The following OTOF variants were observed in gnomAD, a reference collection of about 807,000 sequenced individuals.
OTOF encodes fer-1-like family member 2.
A neutral mutation model predicts 236.8 loss-of-function variants in OTOF; 218 were observed. The observed-to-expected ratio is 0.92, with a 90% CI of 0.82 to 1.03. The LOEUF (loss-of-function observed/expected upper bound fraction) is 1.03, where lower values mean the gene tolerates loss of function less well. Ranked by LOEUF, OTOF falls within the 50% of genes least tolerant of loss-of-function variation. OTOF has a pLI of 0.00. For synonymous variants in OTOF, 1,041 were observed against 1,072.5 expected, an observed-to-expected ratio of 0.97 and a Z score of 0.57; for missense variants, 2,590 against 2,694.4, an observed-to-expected ratio of 0.96 and a Z score of 0.86.
rs183225781 is a variant in OTOF at position 26,494,141 on chromosome 2, T to C, written c.897+801A>G. ...GGTGGGCAGCCTGGCCCCTGCTCTA[T>C]CAGCAACACTCTCTGAGATTGTGGG... On this transcript the variant is annotated intron_variant, in intron 9 of 46. Coordinates refer to ENST00000272371, the MANE Select transcript of OTOF (RefSeq NM_194248.3). Among the ~76,000 whole-genome samples the C allele has an allele frequency of 2.1e-3, 323 of 152,336 alleles. 3 individuals are homozygous for C. Among genetic ancestry groups the C allele is most frequent in the Admixed American group, 0.019 (284 of 15,306 alleles).
At chr2:26,518,924 A>G in intron 4 of OTOF, 86 bp downstream of exon 4, 1 of 954,962 alleles carries the variant, frequency 1.0e-6, no homozygotes, top group Non-Finnish European at 1.7e-6. Context: ...GGCATTCCCC[A>G]GACCACCCCA....
At chr2:26,528,617 G>A (rs544479070) in intron 2 of OTOF, among the ~76,000 whole-genome samples, 4 of 152,172 alleles carry the variant, frequency 2.6e-5, no homozygotes, top group Admixed American at 6.5e-5. Context: ...GATTTTTCCT[G>A]GTGCCCTAGA....
chr2:26,463,840 GC>G, intron 40 of OTOF, 123 bp downstream of exon 40: 2 of 1,337,440 alleles, frequency 1.5e-6, no homozygotes, highest in Non-Finnish European at 2.1e-6. Context: ...GTGGGAAGGT[GC>G]CTGCCAGGCT....
At chr2:26,526,945 C>G (rs1196322438) in intron 3 of OTOF, among the ~76,000 whole-genome samples, 1 of 152,224 alleles carries the variant, frequency 6.6e-6, no homozygotes, top group African/African-American at 2.4e-5. Flanking sequence ...CCCGCCTTAT[C>G]TGCCCAAGGA....
chr2:26,531,121 A>G (rs1429933157), intron 2 of OTOF, among the ~76,000 whole-genome samples: 1 of 152,172 alleles, frequency 6.6e-6, no homozygotes, highest in Admixed American at 6.5e-5. Context: ...TGCTGTGCCC[A>G]GACAGCATTT....
intron 1 of OTOF, among the ~76,000 whole-genome samples, chr2:26,557,596 C>A (rs1667624723): frequency 6.6e-6 from 1 of 152,156 alleles, no homozygotes; most frequent in Non-Finnish European, 1.5e-5. Flanking sequence ...TCCAGAGTTT[C>A]AGCTCCTCTC....
chr2:26,530,752 T>C (rs1666925288), intron 2 of OTOF, among the ~76,000 whole-genome samples: 1 of 152,172 alleles, frequency 6.6e-6, no homozygotes, highest in South Asian at 2.1e-4. Flanking sequence ...TCTCCCTCTG[T>C]CTTTCTCAGG....
chr2:26,472,729 G>A, intron 29 of OTOF, 80 bp from the exon 30 acceptor site: 1 of 1,452,164 alleles, frequency 6.9e-7, no homozygotes, highest in African/African-American at 1.4e-5. Context: ...GGAAGGTGCG[G>A]AGAACTAAAG....
intron 6 of OTOF, 24 bp downstream of exon 6, chr2:26,503,748 G>GGGCTCACGC: frequency 1.9e-6 from 3 of 1,604,946 alleles, no homozygotes; most frequent in Non-Finnish European, 2.6e-6. Context: ...CGGGGCTGCG[G>GGGCTCACGC]GGCTCACGCG....
intron 1 of OTOF, among the ~76,000 whole-genome samples, chr2:26,544,738 G>A (rs1286622314): frequency 6.6e-6 from 1 of 152,066 alleles, no homozygotes; most frequent in African/African-American, 2.4e-5. Context: ...GGTACCCTTA[G>A]CTTTATAAGA....
chr2:26,475,207 C>A, intron 25 of OTOF, 152 bp downstream of exon 25: 1 of 838,432 alleles, frequency 1.2e-6, no homozygotes, highest in Non-Finnish European at 2.0e-6. Context: ...TAGATGTCAG[C>A]CCCCACTCCC....
intron 14 of OTOF, among the ~76,000 whole-genome samples, chr2:26,481,716 C>G (rs1261269583): frequency 6.6e-6 from 1 of 152,154 alleles, no homozygotes; most frequent in Non-Finnish European, 1.5e-5. Flanking sequence ...AGTTCCACCC[C>G]CTCAAAAGAA....
chr2:26,536,373 T>C (rs17005414), intron 2 of OTOF, among the ~76,000 whole-genome samples: 1,695 of 152,232 alleles, frequency 0.011, 46 homozygotes, highest in African/African-American at 0.038. Context: ...TTAGCTCTAG[T>C]GATTCACTTT....
chr2:26,528,054 C>CAAAG, intron 2 of OTOF, 134 bp from the exon 3 acceptor site: 1 of 717,388 alleles, frequency 1.4e-6, no homozygotes, highest in Non-Finnish European at 2.6e-6. Flanking sequence ...TCCCCAGGGA[C>CAAAG]AAAGCATTGA....
Position 26,470,683 on chromosome 2 carries a change from GC to G in OTOF, c.3932del (p.Gly1311AlafsTer29). On this transcript the variant is annotated frameshift_variant, in exon 32 of 47. Coordinates refer to ENST00000272371, the MANE Select transcript of OTOF (RefSeq NM_194248.3). LOFTEE classifies it high-confidence loss of function. This position sits in a 1 kb window ranked among gnomAD's most constrained non-coding sequence, Gnocchi z 4.3. ...CCTCCTCCTCTGGCTCCTCCGCAGT[GC>G]CCTTCTTCTTCTTCTTCTTCTCCTT... ...EEKEKKKKKKGTAEEPEEEEP... is the reference protein window; with the variant it reads ...EEKEKKKKKKXTAEEPEEEEP... The G allele has an allele frequency of 6.2e-7, 1 of 1,612,612 alleles. No homozygotes were observed. Among genetic ancestry groups the G allele is most frequent in the Non-Finnish European group, 8.5e-7 (1 of 1,178,788 alleles).
Position 26,501,806 on chromosome 2 carries a change from G to C in OTOF, c.713C>G (p.Ser238Cys). Residue 238 changes from serine to cysteine, a missense_variant and splice_region_variant, in exon 8 of 47, where the codon TCT becomes TGT. By Grantham distance (112) the Ser-to-Cys change is moderately radical. Transcript: ENST00000272371. ...ALTTNVSNKRSKPDIKMEPSA... is the reference protein window; with the variant it reads ...ALTTNVSNKRCKPDIKMEPSA... ...TGGCTCCATCTTAATGTCTGGCTTAGATCTGAGGAAGAGAATGTACCATCA... is the reference window on the plus strand; with the variant it reads ...TGGCTCCATCTTAATGTCTGGCTTACATCTGAGGAAGAGAATGTACCATCA... 8 of 1,613,114 alleles carry C rather than the reference G, an allele frequency of 5.0e-6. No individual in the cohort carries two copies. The highest frequency in any genetic ancestry group is 6.8e-6 in the Non-Finnish European group (8 of 1,179,026).
chr2:26,511,145 T>A (rs949227008), intron 5 of OTOF, among the ~76,000 whole-genome samples: 1 of 152,142 alleles, frequency 6.6e-6, no homozygotes, highest in Non-Finnish European at 1.5e-5. Flanking sequence ...GCCACCCTGC[T>A]CCTCTGCCCA....
intron 5 of OTOF, among the ~76,000 whole-genome samples, chr2:26,515,537 A>G (rs926431677): frequency 2.0e-5 from 3 of 152,218 alleles, no homozygotes; most frequent in Non-Finnish European, 4.4e-5. Flanking sequence ...TGTCAGTTCA[A>G]TTACACTAAT....
At chr2:26,490,982 G>A (rs1665826611) in intron 9 of OTOF, among the ~76,000 whole-genome samples, 1 of 152,152 alleles carries the variant, frequency 6.6e-6, no homozygotes, top group African/African-American at 2.4e-5. Flanking sequence ...TTTGGGAATC[G>A]TCAGCACAAG....
Sources: allele counts gnomAD v4.1 joint callset (sites outside exome capture counted in the v4.1 genomes callset), GRCh38; gene constraint gnomAD v4.1.1; non-coding constraint Gnocchi (gnomAD v3.1); transcripts MANE v1.5; gene names NCBI Gene and HGNC (gene_info 2026-07-23, HGNC 2026-07-21).